OR6Y1: variants seen among roughly 807,000 people sequenced by gnomAD.
OR6Y1 encodes the protein olfactory receptor family 6 subfamily Y member 1.
In OR6Y1, 1 loss-of-function variant was observed where a neutral mutation model predicts 0.4. The ratio of observed to expected loss-of-function variants is 2.74; its 90% CI spans 0.97 to 13.02. OR6Y1 has a LOEUF of 13.02. Among genes scored for constraint, OR6Y1 ranks in the 30% most tolerant of loss-of-function variants. The probability of loss-of-function intolerance (pLI) is 0.12; values close to 1 mark genes in which losing one functional copy is unlikely to be tolerated. For missense variants in OR6Y1, 480 were observed against 399.8 expected, an observed-to-expected ratio of 1.20 and a Z score of -1.71; for synonymous variants, 173 against 141.1, an observed-to-expected ratio of 1.23 and a Z score of -1.60.
rs762675941 is a variant in OR6Y1, at chr1:158,547,985, G to A, written c.121C>T (p.Leu41=). The part of the protein sequence containing the change: ...LFFSIFLATY[L]LTLLENLLII... The stretch of plus-strand genomic sequence containing the variant: ...AGAAGATTCTCCAGCAGTGTCAGCA[G>A]ATAGGTTGCCAGGAAAATGGAGAAA... The change falls in exon 2 of 2, where the codon CTG becomes TTG. Residue 41 remains leucine (L), a synonymous_variant. Transcript: ENST00000641622. 6.2e-7 allele frequency: 1 copy of A among 1,613,550 alleles called. No homozygotes were observed. Among genetic ancestry groups the A allele is most frequent in the South Asian group, 1.1e-5 (1 of 91,080 alleles).
rs962460578 is a variant in OR6Y1 at position 158,549,328 on chromosome 1, T to G, written c.-1223A>C. On this transcript the variant is annotated 5_prime_UTR_variant, in exon 2 of 2. Transcript: ENST00000641622. ...TTTCAAGTCTTGCTCTGTGTCCTATTGCTTCAATTCTCTTTTCTGCTCTTC... is the reference window on the plus strand; with the variant it reads ...TTTCAAGTCTTGCTCTGTGTCCTATGGCTTCAATTCTCTTTTCTGCTCTTC... 6.6e-6 allele frequency: 1 copy of G among 151,788 alleles called. No individual in the cohort carries two copies. The highest frequency in any genetic ancestry group is 2.4e-5 in the African/African-American group (1 of 41,066). 9.4% of individuals were successfully genotyped at this position (151,788 alleles called of 1,614,324 possible). A position where few individuals can be genotyped will look rare whatever the true frequency, so the allele number is the denominator to read the frequency against.
In OR6Y1 at chr1:158,546,518, A is replaced by G. The variant is rs1276406644; in HGVS notation, c.*610T>C. The stretch of plus-strand genomic sequence containing the variant: ...CTTTTGTTTTTAAACGCCTTAACAA[A>G]TTAGTCATTTATGTTATTTGGAGGG... On this transcript the variant is annotated 3_prime_UTR_variant, in exon 2 of 2. Transcript: ENST00000641622. 2 of 152,060 alleles carry G rather than the reference A, an allele frequency of 1.3e-5. No individual in the cohort carries two copies. The allele number at this position is 152,060 out of a possible 1,614,324, so 9.4% of individuals were successfully genotyped here. A position where few individuals can be genotyped will look rare whatever the true frequency, so the allele number is the denominator to read the frequency against.
chr1:158,547,144 C>G lies in OR6Y1; in HGVS notation c.962G>C (p.Gly321Ala). The G allele has an allele frequency of 2.5e-6, 4 of 1,612,460 alleles. No individual in the cohort carries two copies. Among genetic ancestry groups the G allele is most frequent in the Non-Finnish European group, 3.4e-6 (4 of 1,179,636 alleles). The change falls in exon 2 of 2, where the codon GGG becomes GCG. Residue 321 changes from glycine to alanine, a missense_variant. Transcript: ENST00000641622. ...ATACATTTTTTAACTACTGAAAGCC[C>G]CATTTCCCTGGGGCCCACTTCCTCT... ...HCRGSGPQGN[G>A]AFSS
chr1:158,553,766 C>A (rs996891361), intron 1 of OR6Y1, among the ~76,000 whole-genome samples: 1 of 152,122 alleles, frequency 6.6e-6, no homozygotes, highest in African/African-American at 2.4e-5. Flanking sequence ...ACTCCATTTT[C>A]TCTTTTTTTG....
chr1:158,551,964 C>T (rs1194059791), intron 1 of OR6Y1, among the ~76,000 whole-genome samples: 3 of 152,026 alleles, frequency 2.0e-5, no homozygotes, highest in Non-Finnish European at 4.4e-5. Context: ...ATAAAACTAG[C>T]CATACTTTAA....
At chr1:158,553,760 C>T (rs1647762208) in intron 1 of OR6Y1, among the ~76,000 whole-genome samples, 1 of 152,096 alleles carries the variant, frequency 6.6e-6, no homozygotes, top group African/African-American at 2.4e-5. Flanking sequence ...TCCTCTACTC[C>T]ATTTTCTCTT....
At chr1:158,552,551 C>A (rs1031800614) in intron 1 of OR6Y1, among the ~76,000 whole-genome samples, 9 of 151,914 alleles carry the variant, frequency 5.9e-5, no homozygotes, top group African/African-American at 2.2e-4. Context: ...TAGGAAATGA[C>A]CTACTCTGTT....
intron 1 of OR6Y1, among the ~76,000 whole-genome samples, chr1:158,553,651 A>G (rs1202410725): frequency 6.6e-6 from 1 of 152,082 alleles, no homozygotes; most frequent in Non-Finnish European, 1.5e-5. Context: ...CCCTGCTCTT[A>G]TTTAACATAA....
In OR6Y1 at chr1:158,548,612, G is replaced by T. The variant is rs1488301135; in HGVS notation, c.-507C>A. 1 of 153,408 alleles carries T rather than the reference G, an allele frequency of 6.5e-6. No homozygotes were observed. Among genetic ancestry groups the T allele is most frequent in the East Asian group, 1.9e-4 (1 of 5,212 alleles). 9.5% of individuals were successfully genotyped at this position (153,408 alleles called of 1,614,324 possible). A position where few individuals can be genotyped will look rare whatever the true frequency, so the allele number is the denominator to read the frequency against. On this transcript the variant is annotated 5_prime_UTR_variant, in exon 2 of 2. Transcript: ENST00000641622. The stretch of plus-strand genomic sequence containing the variant: ...TCTAACAATGTGCTTAAGCTTGAAT[G>T]AAGCAATAGTTGAGCATACCCACAG...
rs1056811953 is a variant in OR6Y1, at chr1:158,546,417, G to A, written c.*711C>T. 6.6e-6 allele frequency: 1 copy of A among 152,062 alleles called. No individual in the cohort carries two copies. The highest frequency in any genetic ancestry group is 2.1e-4 in the South Asian group (1 of 4,800). The allele number at this position is 152,062 out of a possible 1,614,324, so 9.4% of individuals were successfully genotyped here. A position where few individuals can be genotyped will look rare whatever the true frequency, so the allele number is the denominator to read the frequency against. ...TTTAAAGTGTTTTTTAATATTTAAG[G>A]TTGGTATATGTTATTATAACATTAA... On this transcript the variant is annotated 3_prime_UTR_variant, in exon 2 of 2. Transcript: ENST00000641622.
intron 1 of OR6Y1, among the ~76,000 whole-genome samples, chr1:158,553,564 TA>T (rs1251340831): frequency 6.6e-6 from 1 of 151,936 alleles, no homozygotes; most frequent in Non-Finnish European, 1.5e-5. Context: ...ACATATTAAT[TA>T]AAAATAAAAG....
chr1:158,547,527 G>A lies in OR6Y1; in HGVS notation c.579C>T (p.Ser193=), dbSNP rs866085780. 1 of 1,613,432 alleles carries A rather than the reference G, an allele frequency of 6.2e-7. No homozygotes were observed. The highest frequency in any genetic ancestry group is 8.5e-7 in the Non-Finnish European group (1 of 1,179,988). Residue 193 remains serine (S), a synonymous_variant, in exon 2 of 2, where the codon TCC becomes TCT. Transcript: ENST00000641622. ...TCTCAGCCTGTGAGGCATCCTCACA[G>A]GAGACGTTAAGGAGTGGAGAGATAT... is the stretch of plus-strand genomic sequence containing the variant. ...FCDISPLLNV[S]CEDASQAEMV... is the part of the protein sequence containing the mutation.
At position 158,547,309 on chromosome 1, in the gene OR6Y1, C is replaced by A. The variant is rs113154921; in HGVS notation, c.797G>T (p.Arg266Leu). ...ATTGTAGGCATACATGAGTTTGGGA[C>A]GGGCATAGGTGAAAAGTGTCATGGA... Reference protein sequence around the residue: ...FYSMTLFTYARPKLMYAYNSN... With the variant: ...FYSMTLFTYALPKLMYAYNSN... Residue 266 changes from arginine to leucine, a missense_variant, in exon 2 of 2, where the codon CGT (arginine) becomes CTT (leucine). Physicochemically the swap from Arg to Leu is moderately radical, Grantham distance 102 (BLOSUM62 -2). Coordinates refer to ENST00000641622, the MANE Select transcript of OR6Y1 (RefSeq NM_001005189.2). 5,742 of 1,613,290 alleles carry A rather than the reference C, an allele frequency of 3.6e-3. 288 individuals are homozygous for A. The African/African-American group carries it at 0.063, about 18-fold the overall frequency.
Position 158,547,112 on chromosome 1 carries a change from G to A in OR6Y1, c.*16C>T, listed in dbSNP as rs1647557640. ...ATCATCTCTCAGTTCAAGCCTGAAAGGAATCTATACATTTTTTAACTACTG... is the reference window on the plus strand; with the variant it reads ...ATCATCTCTCAGTTCAAGCCTGAAAAGAATCTATACATTTTTTAACTACTG... On this transcript the variant is annotated 3_prime_UTR_variant, in exon 2 of 2. Coordinates refer to ENST00000641622, the MANE Select transcript of OR6Y1 (RefSeq NM_001005189.2). 2 of 1,602,068 alleles carry A rather than the reference G, an allele frequency of 1.2e-6. No individual in the cohort carries two copies. Among genetic ancestry groups the A allele is most frequent in the South Asian group, 2.3e-5 (2 of 88,652 alleles).
chr1:158,553,735 G>A (rs776104161), intron 1 of OR6Y1, among the ~76,000 whole-genome samples: 4 of 151,916 alleles, frequency 2.6e-5, no homozygotes, highest in Non-Finnish European at 5.9e-5. Flanking sequence ...CATCTACACT[G>A]GTCCATTCAT....
chr1:158,549,762 TGA>T (rs1647652037), intron 1 of OR6Y1, among the ~76,000 whole-genome samples: 1 of 151,782 alleles, frequency 6.6e-6, no homozygotes, highest in African/African-American at 2.4e-5. Flanking sequence ...CTAGGCAGTG[TGA>T]GAGTGGGACT....
intron 1 of OR6Y1, among the ~76,000 whole-genome samples, chr1:158,551,307 T>C (rs1463094453): frequency 6.6e-6 from 1 of 151,832 alleles, no homozygotes; most frequent in Non-Finnish European, 1.5e-5. Context: ...TCACTTTTTC[T>C]TGTAGCCAAC....
In OR6Y1 at chr1:158,548,184, C is replaced by G; in HGVS notation, c.-79G>C. 7.1e-7 allele frequency: 1 copy of G among 1,410,270 alleles called. No individual in the cohort carries two copies. The highest frequency in any genetic ancestry group is 9.6e-7 in the Non-Finnish European group (1 of 1,046,926). The allele number at this position is 1,410,270 out of a possible 1,614,324, so 87.4% of individuals were successfully genotyped here. The stretch of plus-strand genomic sequence containing the variant: ...CTATGGTTATTTGTATTGATAGAGC[C>G]CACCACCAGCAAATTTATCACAATA... On this transcript the variant is annotated 5_prime_UTR_variant, in exon 2 of 2. Transcript: ENST00000641622.
rs1250053443 is a variant in OR6Y1, at chr1:158,544,674, ATCC to A, written c.*2451_*2453del. 6.6e-6 allele frequency: 1 copy of A among 152,034 alleles called. No homozygotes were observed. The highest frequency in any genetic ancestry group is 1.5e-5 in the Non-Finnish European group (1 of 68,008). The allele number at this position is 152,034 out of a possible 1,614,324, so 9.4% of individuals were successfully genotyped here. ...TATTACCCATTAGTTATTTCTCCTG[ATCC>A]TCTACCTCCTCCCACCCTGCACCCT... On this transcript the variant is annotated 3_prime_UTR_variant, in exon 2 of 2. Transcript: ENST00000641622.
Sources: allele counts gnomAD v4.1 joint callset (sites outside exome capture counted in the v4.1 genomes callset), GRCh38; gene constraint gnomAD v4.1.1; transcripts MANE v1.5; gene names NCBI Gene and HGNC (gene_info 2026-07-23, HGNC 2026-07-21).